The following AGBL1 variants were observed in gnomAD, a reference collection of about 807,000 sequenced individuals.
The protein encoded by AGBL1 is cytosolic carboxypeptidase 4.
AGBL1 carries 130 observed loss-of-function variants against 118.9 expected under a neutral mutation model. The observed-to-expected ratio is 1.09, with a 90% CI of 0.95 to 1.26. The LOEUF (loss-of-function observed/expected upper bound fraction) is 1.26. Among genes scored for constraint, AGBL1 ranks in the 50% most tolerant of loss-of-function variants. The pLI is 0.00. For synonymous variants in AGBL1, 555 were observed against 478.9 expected (o/e 1.16, Z -2.08); for missense variants, 1,584 against 1,298.1 (o/e 1.22, Z -3.38).
At chr15:86,682,880 T>C (rs2085986284) in intron 22 of AGBL1, among the ~76,000 whole-genome samples, 1 of 152,152 alleles carries the variant, frequency 6.6e-6, no homozygotes, top group African/African-American at 2.4e-5. Flanking sequence ...AATAATCCCA[T>C]GTAGTAGATG....
At chr15:86,970,214 G>C (rs1385350322) in intron 23 of AGBL1, among the ~76,000 whole-genome samples, 2 of 151,766 alleles carry the variant, frequency 1.3e-5, no homozygotes, top group African/African-American at 4.8e-5. Context: ...CCCTGAATGA[G>C]ATCCCAATAT....
Position 86,266,467 on chromosome 15 carries a change from C to T in AGBL1, c.1751+10C>T. The stretch of plus-strand genomic sequence containing the variant: ...GTTTAGATGAGCCTTGGTAGGTAGT[C>T]TCGTGCATCTGAGGAAGGTGGGGCA... On this transcript the variant is annotated intron_variant, in intron 12 of 22. Transcript: ENST00000614907. 1.3e-6 allele frequency: 2 copies of T among 1,550,002 alleles called. No individual in the cohort carries two copies. Among genetic ancestry groups the T allele is most frequent in the Non-Finnish European group, 1.8e-6 (2 of 1,142,552 alleles).
intron 23 of AGBL1, among the ~76,000 whole-genome samples, chr15:86,947,813 A>C (rs1318157173): frequency 6.6e-6 from 1 of 152,208 alleles, no homozygotes; most frequent in Non-Finnish European, 1.5e-5. Flanking sequence ...TTAGTATATA[A>C]AATAATTCAT....
At chr15:86,443,056 A>G (rs17616173) in intron 18 of AGBL1, among the ~76,000 whole-genome samples, 16,757 of 152,182 alleles carry the variant, frequency 0.11, 1,022 homozygotes, top group South Asian at 0.17. Flanking sequence ...CGGATACTGT[A>G]TTGTCTGACA....
chr15:86,258,555 G>T (rs1035593678), intron 9 of AGBL1, among the ~76,000 whole-genome samples: 5 of 152,192 alleles, frequency 3.3e-5, no homozygotes, highest in African/African-American at 1.2e-4. Flanking sequence ...CTATTCTATA[G>T]AAGAGAGGTT....
chr15:86,473,371 G>C (rs947818776), intron 18 of AGBL1, among the ~76,000 whole-genome samples: 1 of 152,024 alleles, frequency 6.6e-6, no homozygotes, highest in Admixed American at 6.6e-5. Flanking sequence ...TTTCTCTATT[G>C]ATCTTTTTTT....
intron 9 of AGBL1, chr15:86,262,543 G>T (rs2079008877): frequency 1.8e-6 from 1 of 547,756 alleles, no homozygotes; most frequent in Non-Finnish European, 3.3e-6. Flanking sequence ...TTTTATTTCT[G>T]ATGAAGGCTG....
chr15:86,957,784 A>G (rs1045283318), intron 23 of AGBL1, among the ~76,000 whole-genome samples: 2 of 152,138 alleles, frequency 1.3e-5, no homozygotes, highest in African/African-American at 4.8e-5. Context: ...GTATTAATCT[A>G]TAAGTTAAAT....
chr15:86,620,583 G>A (rs1310942373), intron 21 of AGBL1, among the ~76,000 whole-genome samples: 1 of 152,090 alleles, frequency 6.6e-6, no homozygotes, highest in African/African-American at 2.4e-5. Context: ...TACATATTTA[G>A]TGCTTTTAAT....
chr15:86,370,738 A>G (rs1238920961), intron 17 of AGBL1, among the ~76,000 whole-genome samples: 1 of 152,158 alleles, frequency 6.6e-6, no homozygotes, highest in East Asian at 1.9e-4. Context: ...AGCATTATCC[A>G]TGACCTTGTT....
intron 23 of AGBL1, among the ~76,000 whole-genome samples, chr15:86,964,366 T>C (rs2081027844): frequency 6.6e-6 from 1 of 151,996 alleles, no homozygotes; most frequent in African/African-American, 2.4e-5. Flanking sequence ...CATCCCTGAT[T>C]GCTACCCACT....
intron 18 of AGBL1, among the ~76,000 whole-genome samples, chr15:86,403,235 T>G (rs1211930360): frequency 2.0e-5 from 3 of 152,142 alleles, no homozygotes; most frequent in Non-Finnish European, 4.4e-5. Flanking sequence ...ACAAAATAAT[T>G]TTTATAAAGT....
At chr15:86,166,505 C>T (rs995088851) in intron 5 of AGBL1, among the ~76,000 whole-genome samples, 1 of 152,170 alleles carries the variant, frequency 6.6e-6, no homozygotes, top group Non-Finnish European at 1.5e-5. Flanking sequence ...TGAAATGTCT[C>T]AGGTATTCTT....
In AGBL1 at chr15:86,270,051, C is replaced by A; in HGVS notation, c.1971C>A (p.Asn657Lys). The A allele has an allele frequency of 1.2e-6, 2 of 1,612,336 alleles. No individual in the cohort carries two copies. Among genetic ancestry groups the A allele is most frequent in the Non-Finnish European group, 1.7e-6 (2 of 1,179,236 alleles). The change falls in exon 14 of 23, where the codon AAC (asparagine) becomes AAA (lysine). Residue 657 changes from asparagine to lysine, a missense_variant. Physicochemically the swap from Asn to Lys is moderately conservative, Grantham distance 94 (BLOSUM62 0). Coordinates refer to ENST00000614907, the MANE Select transcript of AGBL1 (RefSeq NM_001386094.1). The stretch of plus-strand genomic sequence containing the variant: ...ACATCATCAACTGTGAGAAGCCCAA[C>A]AGCCAGTTTAATTATGGTATGAACG... ...HFNIINCEKP[N>K]SQFNYGMQPT...
At chr15:86,154,590 A>T (rs769060136) in intron 4 of AGBL1, 29 bp downstream of exon 4, 2 of 1,583,224 alleles carry the variant, frequency 1.3e-6, no homozygotes, top group Non-Finnish European at 1.7e-6. Context: ...GCTCTCGGGG[A>T]TGGCTTCCAA....
At chr15:86,120,830 T>C (rs1001662485) in intron 1 of AGBL1, among the ~76,000 whole-genome samples, 1 of 152,188 alleles carries the variant, frequency 6.6e-6, no homozygotes, top group Non-Finnish European at 1.5e-5. Context: ...AAAGAAACTT[T>C]TGGGCTCATG....
At chr15:86,145,741 G>A (rs893083700) in intron 3 of AGBL1, among the ~76,000 whole-genome samples, 4 of 152,190 alleles carry the variant, frequency 2.6e-5, no homozygotes, top group African/African-American at 9.6e-5. Context: ...ATGTCTCCTA[G>A]GGCCAGGTGC....
intron 19 of AGBL1, among the ~76,000 whole-genome samples, chr15:86,524,365 G>A (rs1333079842): frequency 6.6e-6 from 1 of 152,164 alleles, no homozygotes; most frequent in Non-Finnish European, 1.5e-5. Flanking sequence ...TACCTTCAGA[G>A]GACACAGATT....
At position 86,909,304 on chromosome 15, in the gene AGBL1, C is replaced by A. The variant is rs2080319791; in HGVS notation, c.*2010C>A. ...TACATATTGGGAGATTACATATCTG[C>A]CAAAAGACTTCTCCTGATGTTCCAA... On this transcript the variant is annotated 3_prime_UTR_variant, in exon 23 of 23. Transcript: ENST00000614907. 6.6e-6 allele frequency: 1 copy of A among 152,108 alleles called. No individual in the cohort carries two copies. Among genetic ancestry groups the A allele is most frequent in the Non-Finnish European group, 1.5e-5 (1 of 68,016 alleles). 9.4% of individuals were successfully genotyped at this position (152,108 alleles called of 1,614,324 possible).
Sources: allele counts gnomAD v4.1 joint callset (sites outside exome capture counted in the v4.1 genomes callset), GRCh38; gene constraint gnomAD v4.1.1; transcripts MANE v1.5; gene names NCBI Gene and HGNC (gene_info 2026-07-23, HGNC 2026-07-21).